DNAJC21: variants seen among roughly 807,000 people sequenced by gnomAD.
The protein encoded by DNAJC21 is DnaJ heat shock protein family (Hsp40) member C21, also known as dnaJ homolog subfamily C member 21.
DNAJC21 carries 63 observed loss-of-function variants against 72.4 expected under a neutral mutation model. The ratio of observed to expected loss-of-function variants is 0.87; its 90% CI spans 0.71 to 1.07. The LOEUF (loss-of-function observed/expected upper bound fraction) is 1.07. Among genes scored for constraint, DNAJC21 ranks in the 50% least tolerant of loss-of-function variants. The pLI, the probability that DNAJC21 is intolerant of heterozygous loss-of-function variation, is 0.00. For missense variants in DNAJC21, 634 were observed against 644.8 expected (o/e 0.98, Z 0.18); for synonymous variants, 203 against 216.7 (o/e 0.94, Z 0.56).
At chr5:34,936,408 T>A in intron 4 of DNAJC21, 142 bp downstream of exon 4, 1 of 1,011,738 alleles carries the variant, frequency 9.9e-7, no homozygotes, top group East Asian at 2.8e-5. Flanking sequence ...AGCCTCAAAC[T>A]CCTGGGCTTA....
At chr5:34,953,001 T>C (rs1765427757) in intron 10 of DNAJC21, among the ~76,000 whole-genome samples, 1 of 151,866 alleles carries the variant, frequency 6.6e-6, no homozygotes, top group African/African-American at 2.4e-5. Flanking sequence ...AATACAAAAA[T>C]TAGCTGAGTA....
rs1580546707 is a variant in DNAJC21, at chr5:34,957,139, A to G, written c.*2425A>G. ...ACGTACCATATATTTTGCTAAGGGT[A>G]AAATATTTTTGGTGAATTGCAGACA... On this transcript the variant is annotated 3_prime_UTR_variant, in exon 12 of 12. Transcript: ENST00000648817. The G allele has an allele frequency of 6.6e-6, 1 of 152,330 alleles. No individual in the cohort carries two copies. The highest frequency in any genetic ancestry group is 1.5e-5 in the Non-Finnish European group (1 of 68,032). 9.4% of individuals were successfully genotyped at this position (152,330 alleles called of 1,614,324 possible).
In DNAJC21 at chr5:34,956,964, A is replaced by G. The variant is rs1765554649; in HGVS notation, c.*2250A>G. ...GTATATATGAAAATGCTTTTTAAAC[A>G]CAAAAGCTTTATACAAAATATTGTT... On this transcript the variant is annotated 3_prime_UTR_variant, in exon 12 of 12. Transcript: ENST00000648817. 1 of 152,244 alleles carries G rather than the reference A, an allele frequency of 6.6e-6. No individual in the cohort carries two copies. The allele number at this position is 152,244 out of a possible 1,614,324, so 9.4% of individuals were successfully genotyped here.
intron 7 of DNAJC21, among the ~76,000 whole-genome samples, chr5:34,944,397 A>T (rs972036855): frequency 6.6e-6 from 1 of 152,238 alleles, no homozygotes; most frequent in Admixed American, 6.5e-5. Flanking sequence ...TGTGTCTTCT[A>T]ATTTCCCAGT....
At chr5:34,936,069 T>G (rs925451247) in intron 3 of DNAJC21, 75 bp from the exon 4 acceptor site, 21 of 1,545,054 alleles carry the variant, frequency 1.4e-5, no homozygotes, top group Non-Finnish European at 1.8e-5. Flanking sequence ...AAATTTTTCA[T>G]TTTGTATTTT....
rs1764511942 is a variant in DNAJC21, at chr5:34,929,751, C to T, written c.-69C>T. 1.5e-5 allele frequency: 12 copies of T among 811,548 alleles called. No individual in the cohort carries two copies. The highest frequency in any genetic ancestry group is 5.5e-5 in the South Asian group (1 of 18,322). 50.3% of individuals were successfully genotyped at this position (811,548 alleles called of 1,614,324 possible). A position where few individuals can be genotyped will look rare whatever the true frequency, so the allele number is the denominator to read the frequency against. On this transcript the variant is annotated 5_prime_UTR_variant, in exon 1 of 12. Coordinates refer to ENST00000648817, the MANE Select transcript of DNAJC21 (RefSeq NM_001012339.3). Reference sequence around the variant, plus strand: ...GGACTGCCAGCGCCGCCGCCGCCGCCGCTTCGGCCCGGGCCCGGGCCCCGA... The same window carrying T: ...GGACTGCCAGCGCCGCCGCCGCCGCTGCTTCGGCCCGGGCCCGGGCCCCGA...
chr5:34,953,728 G>T, intron 10 of DNAJC21, 198 bp from the exon 11 acceptor site: 2 of 439,776 alleles, frequency 4.5e-6, no homozygotes, highest in Non-Finnish European at 4.0e-6. Context: ...TGCCAAATTT[G>T]ATATTCAATT....
intron 7 of DNAJC21, among the ~76,000 whole-genome samples, chr5:34,941,652 C>T (rs1488963796): frequency 6.7e-6 from 1 of 150,304 alleles, no homozygotes; most frequent in South Asian, 2.1e-4. Context: ...CTGCAACCTC[C>T]ACCTCCTGGA....
Position 34,929,576 on chromosome 5 carries a change from C to G in DNAJC21, c.-244C>G, listed in dbSNP as rs1475986036. The G allele has an allele frequency of 6.5e-6, 1 of 152,712 alleles. No individual in the cohort carries two copies. The highest frequency in any genetic ancestry group is 1.5e-5 in the Non-Finnish European group (1 of 68,344). The allele number at this position is 152,712 out of a possible 1,614,324, so 9.5% of individuals were successfully genotyped here. A position where few individuals can be genotyped will look rare whatever the true frequency, so the allele number is the denominator to read the frequency against. The stretch of plus-strand genomic sequence containing the variant: ...CCTAGCCCATGCGAAGCGGCGGCCG[C>G]CGGCACCGCCCCCGCCGCGCTCCCG... On this transcript the variant is annotated 5_prime_UTR_variant, in exon 1 of 12. Coordinates refer to ENST00000648817, the MANE Select transcript of DNAJC21 (RefSeq NM_001012339.3).
rs1765485597 is a variant in DNAJC21, at chr5:34,954,710, G to A, written c.1592G>A (p.Arg531Lys). 5 of 1,593,494 alleles carry A rather than the reference G, an allele frequency of 3.1e-6. No homozygotes were observed. The highest frequency in any genetic ancestry group is 2.3e-5 in the East Asian group (1 of 43,802). ...SQSKKEKRKN[R>K] Reference sequence around the variant, plus strand: ...AGCAAGAAAGAGAAACGTAAAAACAGATAGAGATTCTGCCTGTGCTTTTGT... The same window carrying A: ...AGCAAGAAAGAGAAACGTAAAAACAAATAGAGATTCTGCCTGTGCTTTTGT... Residue 531 changes from arginine to lysine, a missense_variant, in exon 12 of 12, where the codon AGA (arginine) becomes AAA (lysine). By Grantham distance (26) the Arg-to-Lys change is conservative. Coordinates refer to ENST00000648817, the MANE Select transcript of DNAJC21 (RefSeq NM_001012339.3).
In DNAJC21 at chr5:34,954,666, C is replaced by T. The variant is rs1468404426; in HGVS notation, c.1548C>T (p.Asn516=). 1 of 1,613,026 alleles carries T rather than the reference C, an allele frequency of 6.2e-7. No homozygotes were observed. Among genetic ancestry groups the T allele is most frequent in the East Asian group, 2.2e-5 (1 of 44,818 alleles). ...GAGCACCTTCATCATCGTCTTTAAA[C>T]AGCGCAACAAGTAGTCAAAGCAAGA... is the stretch of plus-strand genomic sequence containing the variant. The part of the protein sequence containing the change: ...HARAPSSSSL[N]SATSSQSKKE... The change falls in exon 12 of 12, where the codon AAC becomes AAT. Residue 516 remains asparagine, a synonymous_variant. Transcript: ENST00000648817.
At chr5:34,953,118 C>T (rs1022001387) in intron 10 of DNAJC21, among the ~76,000 whole-genome samples, 4 of 151,832 alleles carry the variant, frequency 2.6e-5, no homozygotes, top group Non-Finnish European at 4.4e-5. Flanking sequence ...CCACTGCACT[C>T]GAGCCTGGGT....
rs746567825 is a variant in DNAJC21, at chr5:34,935,808, A to G, written c.290A>G (p.Tyr97Cys). Residue 97 changes from tyrosine to cysteine, a missense_variant, in exon 3 of 12, where the codon TAT becomes TGT. Physicochemically the swap from Tyr to Cys is radical, Grantham distance 194 (BLOSUM62 -2). Transcript: ENST00000648817. ...DLLRYFTVTC[Y>C]SGYGDDEKGF... ...CTACGCTATTTCACCGTTACCTGTT[A>G]TTCTGGTTATGGAGATGATGAAAAG... 4.3e-6 allele frequency: 7 copies of G among 1,614,000 alleles called. No individual in the cohort carries two copies. Among genetic ancestry groups the G allele is most frequent in the South Asian group, 1.1e-5 (1 of 91,078 alleles).
chr5:34,935,255 T>G (rs1031420702), intron 2 of DNAJC21, among the ~76,000 whole-genome samples: 1 of 152,176 alleles, frequency 6.6e-6, no homozygotes, highest in African/African-American at 2.4e-5. Flanking sequence ...CTTTACAGAG[T>G]TATTATGAGA....
intron 2 of DNAJC21, 64 bp downstream of exon 2, chr5:34,933,972 G>C: frequency 6.8e-7 from 1 of 1,469,230 alleles, no homozygotes; most frequent in African/African-American, 1.4e-5. Flanking sequence ...CAATATAGGT[G>C]GTTGTTTTTT....
In DNAJC21 at chr5:34,935,746, G is replaced by A. The variant is rs2112031355; in HGVS notation, c.228G>A (p.Gly76=). Residue 76 remains glycine (G), a synonymous_variant, in exon 3 of 12, where the codon GGG becomes GGA. Transcript: ENST00000648817. ...DNHREALLKG[G]FDGEYQDDSL... ...ATAGAGAGGCCCTACTTAAAGGTGG[G>A]TTTGATGGCGAATATCAAGATGACA... 6.2e-7 allele frequency: 1 copy of A among 1,613,964 alleles called. No individual in the cohort carries two copies. Among genetic ancestry groups the A allele is most frequent in the South Asian group, 1.1e-5 (1 of 91,072 alleles).
intron 9 of DNAJC21, among the ~76,000 whole-genome samples, chr5:34,948,299 A>G (rs995429916): frequency 6.6e-6 from 1 of 152,172 alleles, no homozygotes; most frequent in Non-Finnish European, 1.5e-5. Context: ...TTTTAAGTTC[A>G]CTTTTCCATG....
At chr5:34,950,370 A>G in intron 10 of DNAJC21, 28 bp downstream of exon 10, 2 of 1,598,312 alleles carry the variant, frequency 1.3e-6, no homozygotes, top group Non-Finnish European at 1.7e-6. Context: ...ATTATTTGTA[A>G]ATTACTGAAT....
intron 9 of DNAJC21, among the ~76,000 whole-genome samples, chr5:34,946,687 T>C (rs37441): frequency 0.72 from 109,418 of 152,006 alleles, 40,876 homozygotes; most frequent in Non-Finnish European, 0.83. Context: ...TAAATTGACA[T>C]CTACCATCAT....
Sources: allele counts gnomAD v4.1 joint callset (sites outside exome capture counted in the v4.1 genomes callset), GRCh38; gene constraint gnomAD v4.1.1; transcripts MANE v1.5; gene names NCBI Gene and HGNC (gene_info 2026-07-23, HGNC 2026-07-21).